ILDR1: variants seen among roughly 807,000 people sequenced by gnomAD.
The protein encoded by ILDR1 is immunoglobulin like domain containing receptor 1.
A neutral mutation model predicts 62.4 loss-of-function variants in ILDR1; 56 were observed. The ratio of observed to expected loss-of-function variants is 0.90; its 90% CI spans 0.72 to 1.12. The LOEUF (loss-of-function observed/expected upper bound fraction) is 1.12, where lower values mean the gene tolerates loss of function less well. ILDR1 is among the 50% of genes most tolerant of loss of function. ILDR1 has a pLI of 0.00. For missense variants in ILDR1, 736 were observed against 710.6 expected, an observed-to-expected ratio of 1.04 and a Z score of -0.41; for synonymous variants, 284 against 277.8, an observed-to-expected ratio of 1.02 and a Z score of -0.22.
the ILDR1 span, among the ~76,000 whole-genome samples, chr3:122,061,551 T>C: frequency 4.6e-5 from 7 of 152,124 alleles, no homozygotes; most frequent in East Asian, 1.4e-3. Context: ...GGGCAAAAGA[T>C]ATAAAAAGAC....
At chr3:122,033,304 T>G in the ILDR1 span, among the ~76,000 whole-genome samples, 1 of 152,120 alleles carries the variant, frequency 6.6e-6, no homozygotes, top group African/African-American at 2.4e-5. Context: ...TTCTTGAGTC[T>G]CGGTGGAATC....
chr3:122,042,066 C>T, the ILDR1 span, among the ~76,000 whole-genome samples: 1 of 105,574 alleles, frequency 9.5e-6, no homozygotes, highest in Non-Finnish European at 1.9e-5. Flanking sequence ...TCCCTCCCCC[C>T]TCCCCCCACC....
At chr3:122,023,367 C>T (rs189674397), upstream of ILDR1, among the ~76,000 whole-genome samples, 3 of 152,174 alleles carry the variant, frequency 2.0e-5, no homozygotes, top group African/African-American at 7.2e-5. Context: ...CCTTCCACGG[C>T]AGGAAGCCCA....
intron 1 of ILDR1, among the ~76,000 whole-genome samples, chr3:122,019,207 C>T (rs1337373533): frequency 6.6e-6 from 1 of 152,102 alleles, no homozygotes; most frequent in African/African-American, 2.4e-5. Context: ...TTACTTTAGC[C>T]TTATTTTAAT....
chr3:122,034,120 A>T, the ILDR1 span, among the ~76,000 whole-genome samples: 1 of 152,220 alleles, frequency 6.6e-6, no homozygotes, highest in Non-Finnish European at 1.5e-5. Flanking sequence ...CTTAAAAGAA[A>T]TTTCACATAC....
the ILDR1 span, among the ~76,000 whole-genome samples, chr3:122,047,920 G>A: frequency 4.7e-4 from 72 of 152,264 alleles, no homozygotes; most frequent in African/African-American, 1.3e-3. Context: ...GTTCCTATTC[G>A]GCCATCTTGG....
the ILDR1 span, among the ~76,000 whole-genome samples, chr3:122,052,037 A>G: frequency 2.6e-5 from 4 of 151,944 alleles, no homozygotes; most frequent in Non-Finnish European, 5.9e-5. Flanking sequence ...AGTCTTCTAG[A>G]GTATGTTAGA....
rs1036595477 is a variant in ILDR1 at position 122,022,232 on chromosome 3, G to C, written c.-155C>G. 8.0e-6 allele frequency: 5 copies of C among 628,376 alleles called. No homozygotes were observed. The highest frequency in any genetic ancestry group is 1.3e-5 in the Non-Finnish European group (5 of 379,548). 38.9% of individuals were successfully genotyped at this position (628,376 alleles called of 1,614,324 possible). On this transcript the variant is annotated 5_prime_UTR_variant, in exon 1 of 8. Transcript: ENST00000344209. Reference sequence around the variant, plus strand: ...GGGAGGGAGCGTCCGCTCTGGTCCCGGGGCAGGTGCCGCCCGGCTCGTCCC... The same window carrying C: ...GGGAGGGAGCGTCCGCTCTGGTCCCCGGGCAGGTGCCGCCCGGCTCGTCCC...
chr3:121,993,786 G>A lies in ILDR1; in HGVS notation c.963C>T (p.Gly321=). Residue 321 remains glycine (G), a synonymous_variant, in exon 7 of 8, where the codon GGC becomes GGT. Transcript: ENST00000344209. ...TGATTCTGCGTTCCACGACCTCAGA[G>A]CCCAGGGAGGACAGCATGCTGCAGG... is the stretch of plus-strand genomic sequence containing the variant. The part of the protein sequence containing the change: ...GHPCSMLSSL[G]SEVVERRIIH... The A allele has an allele frequency of 6.2e-7, 1 of 1,614,108 alleles. No homozygotes were observed.
At chr3:122,060,548 G>A in the ILDR1 span, among the ~76,000 whole-genome samples, 11 of 152,046 alleles carry the variant, frequency 7.2e-5, no homozygotes, top group African/African-American at 1.4e-4. Context: ...CTCAGGAGGC[G>A]GAGGTGGGAG....
chr3:122,056,181 C>T, the ILDR1 span, among the ~76,000 whole-genome samples: 1 of 152,070 alleles, frequency 6.6e-6, no homozygotes, highest in African/African-American at 2.4e-5. Flanking sequence ...TGCCCAAGTT[C>T]ACACTATTCA....
chr3:122,049,146 A>C, the ILDR1 span, among the ~76,000 whole-genome samples: 3 of 152,114 alleles, frequency 2.0e-5, no homozygotes, highest in African/African-American at 7.2e-5. Context: ...CCATTTGTTC[A>C]AGAGTATGTT....
At chr3:122,026,491 T>C (rs879291750), upstream of ILDR1, among the ~76,000 whole-genome samples, 1 of 152,200 alleles carries the variant, frequency 6.6e-6, no homozygotes, top group Non-Finnish European at 1.5e-5. Context: ...ATTCCTTTAA[T>C]GAACATAAAC....
chr3:121,991,008 C>T (rs1386457503), intron 7 of ILDR1, among the ~76,000 whole-genome samples: 3 of 152,086 alleles, frequency 2.0e-5, no homozygotes, highest in Admixed American at 6.5e-5. Flanking sequence ...GAGACCATCC[C>T]GGCCAACATG....
chr3:122,005,506 G>T, intron 2 of ILDR1, 113 bp from the exon 3 acceptor site: 1 of 1,132,768 alleles, frequency 8.8e-7, no homozygotes. Context: ...TTTTTCCCAA[G>T]ACTATTCATC....
chr3:121,988,347 A>T lies in ILDR1; in HGVS notation c.*20T>A, dbSNP rs776792036. 1 of 1,609,702 alleles carries T rather than the reference A, an allele frequency of 6.2e-7. No individual in the cohort carries two copies. The highest frequency in any genetic ancestry group is 8.5e-7 in the Non-Finnish European group (1 of 1,175,982). The stretch of plus-strand genomic sequence containing the variant: ...ACAGGAGCCGAGAAGTAGCCACAGA[A>T]GTTGTGCTGTGCTTGGTGACTAAAT... On this transcript the variant is annotated 3_prime_UTR_variant, in exon 8 of 8. Coordinates refer to ENST00000344209, the MANE Select transcript of ILDR1 (RefSeq NM_001199799.2).
the ILDR1 span, among the ~76,000 whole-genome samples, chr3:122,059,660 G>C: frequency 6.6e-6 from 1 of 152,178 alleles, no homozygotes; most frequent in Non-Finnish European, 1.5e-5. Flanking sequence ...GACATGAAAG[G>C]TAACTGTAGT....
At chr3:122,033,006 TCTTAGGGTA>T in the ILDR1 span, among the ~76,000 whole-genome samples, 1 of 152,232 alleles carries the variant, frequency 6.6e-6, no homozygotes, top group Non-Finnish European at 1.5e-5. Flanking sequence ...AATCATTAAG[TCTTAGGGTA>T]CTTTGTTATG....
rs2071736197 is a variant in ILDR1 at position 122,013,733 on chromosome 3, G to A, written c.59-6572C>T. ...ACGAACAAGAAGGAAAGGATAGGGA[G>A]AGCAGAGAGAGGAGACCAGGAAAGC... On this transcript the variant is annotated intron_variant, in intron 1 of 7. Coordinates refer to ENST00000344209, the MANE Select transcript of ILDR1 (RefSeq NM_001199799.2). Among the ~76,000 whole-genome samples the A allele has an allele frequency of 2.0e-5, 3 of 152,148 alleles. No individual in the cohort carries two copies. The South Asian group carries it at 6.2e-4, about 32-fold the overall frequency.
Sources: gnomAD v4.1 joint callset for allele counts (sites outside exome capture counted in the v4.1 genomes callset) on GRCh38, gnomAD v4.1.1 for gene constraint, MANE v1.5 for transcripts, NCBI Gene and HGNC (gene_info 2026-07-23, HGNC 2026-07-21) for gene names.